The following UBXN2A variants were observed in gnomAD, a reference collection of about 807,000 sequenced individuals.
UBXN2A encodes the protein UBX domain-containing protein 2A.
Under a neutral mutation model 28.4 loss-of-function variants are expected in UBXN2A, and 28 were observed. The observed-to-expected ratio is 0.99, with a 90% CI of 0.73 to 1.35. The LOEUF is 1.35. UBXN2A is among the 40% of genes most tolerant of loss of function. The probability of loss-of-function intolerance (pLI) is 0.00; values close to 1 mark genes in which losing one functional copy is unlikely to be tolerated. For synonymous variants in UBXN2A, 97 were observed against 103.6 expected (o/e 0.94, Z 0.39); for missense variants, 253 against 297.9 (o/e 0.85, Z 1.11).
rs559783910 is a variant in UBXN2A, at chr2:23,973,079, G to C, written c.180+1665G>C. Among the ~76,000 whole-genome samples, 33 of 152,210 alleles carry C rather than the reference G, an allele frequency of 2.2e-4. No individual in the cohort carries two copies. The East Asian group carries it at 5.4e-3, about 25-fold the overall frequency. Reference sequence around the variant, plus strand: ...CTGTCACCCAGGCTGGAGTGCAATGGCACGATCTCAGCTCACTGCAAGCTC... The same window carrying C: ...CTGTCACCCAGGCTGGAGTGCAATGCCACGATCTCAGCTCACTGCAAGCTC... On this transcript the variant is annotated intron_variant, in intron 3 of 6. Transcript: ENST00000309033.
intron 6 of UBXN2A, among the ~76,000 whole-genome samples, chr2:23,991,431 A>G (rs1431812871): frequency 6.8e-6 from 1 of 147,602 alleles, no homozygotes; most frequent in Admixed American, 6.8e-5. Context: ...ACACACACAC[A>G]TATACATATA....
chr2:23,943,751 A>G (rs1705888178), intron 1 of UBXN2A: 1 of 203,302 alleles, frequency 4.9e-6, no homozygotes, highest in Non-Finnish European at 1.0e-5. Context: ...TTGGCCTCCC[A>G]AAGTGCTGGG....
At position 23,958,336 on chromosome 2, in the gene UBXN2A, A is replaced by G; in HGVS notation, c.22A>G (p.Lys8Glu). 3 of 1,605,506 alleles carry G rather than the reference A, an allele frequency of 1.9e-6. No individual in the cohort carries two copies. In the East Asian group the frequency reaches 6.7e-5, roughly 36 times the overall value. ...GAGAATGAAAGACGTAGATAACCTCAAAAGTATAAAAGAAGAATGGTAAGT... is the reference window on the plus strand; with the variant it reads ...GAGAATGAAAGACGTAGATAACCTCGAAAGTATAAAAGAAGAATGGTAAGT... MKDVDNL[K>E]SIKEEWVCET... The change falls in exon 2 of 7, where the codon AAA becomes GAA. Residue 8 changes from lysine to glutamate, a missense_variant. By Grantham distance (56) the Lys-to-Glu change is moderately conservative. Coordinates refer to ENST00000309033, the MANE Select transcript of UBXN2A (RefSeq NM_181713.4).
intron 2 of UBXN2A, 80 bp from the exon 3 acceptor site, chr2:23,971,196 A>G (rs572623098): frequency 1.6e-5 from 22 of 1,393,276 alleles, no homozygotes; most frequent in African/African-American, 1.3e-4. Context: ...TCTAAGTTCA[A>G]TATCCTTAAC....
intron 1 of UBXN2A, among the ~76,000 whole-genome samples, chr2:23,949,116 CTTTTT>C (rs1223944833): frequency 7.9e-6 from 1 of 127,060 alleles, no homozygotes; most frequent in East Asian, 2.2e-4. Flanking sequence ...ATTTTTTTTT[CTTTTT>C]TTTTTTTTTT....
At position 23,993,988 on chromosome 2, in the gene UBXN2A, G is replaced by A. The variant is rs1238818532; in HGVS notation, c.585-5684G>A. Among the ~76,000 whole-genome samples the A allele has an allele frequency of 4.6e-5, 7 of 152,056 alleles. No individual in the cohort carries two copies. The South Asian group carries it at 1.4e-3, about 31-fold the overall frequency. ...CGTGAGTCACCGAGCCCTGCCTTTA[G>A]TATCTCTTTAATTGCTTATCTACTA... On this transcript the variant is annotated intron_variant, in intron 6 of 6. Coordinates refer to ENST00000309033, the MANE Select transcript of UBXN2A (RefSeq NM_181713.4).
chr2:23,947,173 A>G lies in UBXN2A; in HGVS notation c.-15+6525A>G, dbSNP rs574661750. ...TAAAGTGCTGAGATTACAGGGGTGC[A>G]CCACTGTGCCTGGCCTAACGTAAGC... On this transcript the variant is annotated intron_variant, in intron 1 of 6. Transcript: ENST00000309033. Among the ~76,000 whole-genome samples the G allele has an allele frequency of 3.9e-5, 6 of 152,254 alleles. No homozygotes were observed. The South Asian group carries it at 1.0e-3, about 26-fold the overall frequency.
chr2:23,988,861 G>A (rs999709330), intron 6 of UBXN2A, among the ~76,000 whole-genome samples: 1 of 152,168 alleles, frequency 6.6e-6, no homozygotes, highest in Non-Finnish European at 1.5e-5. Flanking sequence ...CTCAGGTACA[G>A]TTTGTGAGAC....
chr2:23,951,413 G>GATATATATATATATAT (rs57701448), intron 1 of UBXN2A, among the ~76,000 whole-genome samples: 4 of 109,900 alleles, frequency 3.6e-5, no homozygotes, highest in Non-Finnish European at 5.4e-5. Context: ...CAGTAAGATG[G>GATATATATATATATAT]ATATATATAT....
chr2:23,937,675 T>C (rs72796359), upstream of UBXN2A, among the ~76,000 whole-genome samples: 15,651 of 152,176 alleles, frequency 0.1, 926 homozygotes, highest in Middle Eastern at 0.17. Flanking sequence ...ATAAAATACT[T>C]TGAAATATAT....
intron 6 of UBXN2A, among the ~76,000 whole-genome samples, chr2:23,987,325 CTT>C (rs1708171062): frequency 6.6e-6 from 1 of 152,050 alleles, no homozygotes; most frequent in African/African-American, 2.4e-5. Context: ...GATCATGTCT[CTT>C]CTTCTGTGGA....
At chr2:23,955,089 C>A (rs563174792) in intron 1 of UBXN2A, among the ~76,000 whole-genome samples, 2 of 151,938 alleles carry the variant, frequency 1.3e-5, no homozygotes, top group African/African-American at 2.4e-5. Context: ...TGCACCGCCA[C>A]GCCCAGCTAA....
chr2:23,951,415 T>G (rs1485843692), intron 1 of UBXN2A, among the ~76,000 whole-genome samples: 2 of 3,570 alleles, frequency 5.6e-4, no homozygotes, highest in Non-Finnish European at 1.5e-3. Flanking sequence ...GTAAGATGGA[T>G]ATATATATAT....
Position 23,958,336 on chromosome 2 carries a change from A to C in UBXN2A, c.22A>C (p.Lys8Gln). MKDVDNLKSIKEEWVCET... is the reference protein window; with the variant it reads MKDVDNLQSIKEEWVCET... Reference sequence around the variant, plus strand: ...GAGAATGAAAGACGTAGATAACCTCAAAAGTATAAAAGAAGAATGGTAAGT... The same window carrying C: ...GAGAATGAAAGACGTAGATAACCTCCAAAGTATAAAAGAAGAATGGTAAGT... The change falls in exon 2 of 7, where the codon AAA becomes CAA. Residue 8 changes from lysine (K) to glutamine (Q), a missense_variant. By Grantham distance (53) the Lys-to-Gln change is moderately conservative. Transcript: ENST00000309033. The C allele has an allele frequency of 6.2e-7, 1 of 1,605,506 alleles. No homozygotes were observed. Among genetic ancestry groups the C allele is most frequent in the Non-Finnish European group, 8.5e-7 (1 of 1,177,450 alleles).
chr2:23,951,303 C>G (rs1706347937), intron 1 of UBXN2A, among the ~76,000 whole-genome samples: 1 of 151,054 alleles, frequency 6.6e-6, no homozygotes, highest in African/African-American at 2.4e-5. Context: ...CAATATGTAT[C>G]CCAAGCACCT....
At chr2:23,945,764 T>C (rs1558837301) in intron 1 of UBXN2A, among the ~76,000 whole-genome samples, 1 of 152,162 alleles carries the variant, frequency 6.6e-6, no homozygotes, top group African/African-American at 2.4e-5. Flanking sequence ...TTTTAAAAAA[T>C]AAAATTGTAA....
chr2:23,976,642 C>T (rs1707675346), intron 3 of UBXN2A, among the ~76,000 whole-genome samples: 1 of 152,072 alleles, frequency 6.6e-6, no homozygotes, highest in Non-Finnish European at 1.5e-5. Flanking sequence ...CACGGGCCCC[C>T]GTGATTCAAT....
chr2:23,942,634 G>A (rs1040007449), intron 1 of UBXN2A, among the ~76,000 whole-genome samples: 1 of 151,772 alleles, frequency 6.6e-6, no homozygotes, highest in Admixed American at 6.6e-5. Flanking sequence ...GGTCAGACTG[G>A]TCTCAAAATC....
intron 6 of UBXN2A, among the ~76,000 whole-genome samples, chr2:23,998,031 T>G (rs1173588447): frequency 6.6e-6 from 1 of 150,852 alleles, no homozygotes; most frequent in East Asian, 2.0e-4. Flanking sequence ...AGACTAGTCT[T>G]GAACTCCTGA....
Sources: gnomAD v4.1 joint callset for allele counts (sites outside exome capture counted in the v4.1 genomes callset) on GRCh38, gnomAD v4.1.1 for gene constraint, MANE v1.5 for transcripts, NCBI Gene and HGNC (gene_info 2026-07-23, HGNC 2026-07-21) for gene names.